Variants in GALNTL6 observed in about 807,000 individuals in gnomAD.
The protein encoded by GALNTL6 is polypeptide N-acetylgalactosaminyltransferase-like 6.
Under a neutral mutation model 73.7 loss-of-function variants are expected in GALNTL6, and 46 were observed. The observed-to-expected ratio is 0.62, with a 90% CI of 0.49 to 0.80. The LOEUF (loss-of-function observed/expected upper bound fraction) is 0.80, where lower values mean the gene tolerates loss of function less well. Among genes scored for constraint, GALNTL6 ranks in the 30% least tolerant of loss-of-function variants. The pLI, the probability that GALNTL6 is intolerant of heterozygous loss-of-function variation, is 0.00. For synonymous variants in GALNTL6, 259 were observed against 263.7 expected (o/e 0.98, Z 0.17); for missense variants, 604 against 755.0 (o/e 0.80, Z 2.34).
intron 9 of GALNTL6, among the ~76,000 whole-genome samples, chr4:172,936,433 G>A (rs1162484736): frequency 6.6e-6 from 1 of 152,146 alleles, no homozygotes; most frequent in Non-Finnish European, 1.5e-5. Context: ...AGGGCAATCA[G>A]GCAAGAGAAA....
chr4:172,958,240 G>A (rs115593899), intron 10 of GALNTL6, among the ~76,000 whole-genome samples: 2,608 of 152,312 alleles, frequency 0.017, 81 homozygotes, highest in African/African-American at 0.059. Context: ...AGCATCAGCC[G>A]CTGCACGCAG....
intron 4 of GALNTL6, among the ~76,000 whole-genome samples, chr4:172,321,578 A>T (rs2111164588): frequency 6.6e-6 from 1 of 152,338 alleles, no homozygotes; most frequent in East Asian, 1.9e-4. Context: ...GTATTAAGAT[A>T]ATGTTTCATT....
At chr4:172,862,482 AG>A (rs1331476887) in intron 7 of GALNTL6, among the ~76,000 whole-genome samples, 2 of 152,192 alleles carry the variant, frequency 1.3e-5, no homozygotes, top group Non-Finnish European at 2.9e-5. Flanking sequence ...GTGGATTACA[AG>A]GTCAGGAGTT....
intron 5 of GALNTL6, among the ~76,000 whole-genome samples, chr4:172,461,628 G>A: frequency 6.6e-6 from 1 of 152,152 alleles, no homozygotes; most frequent in East Asian, 1.9e-4. Flanking sequence ...ATGACTAAGA[G>A]GAGCTAGAAT....
chr4:172,769,546 A>G (rs1292590240), intron 5 of GALNTL6, among the ~76,000 whole-genome samples: 1 of 152,216 alleles, frequency 6.6e-6, no homozygotes, highest in Non-Finnish European at 1.5e-5. Flanking sequence ...TGACATTTTG[A>G]GTTTGCAGAG....
chr4:172,956,168 T>C (rs907076333), intron 10 of GALNTL6, among the ~76,000 whole-genome samples: 4 of 152,138 alleles, frequency 2.6e-5, no homozygotes, highest in African/African-American at 9.7e-5. Flanking sequence ...GCGCGATGTT[T>C]CTCAGGGCTG....
intron 3 of GALNTL6, among the ~76,000 whole-genome samples, chr4:172,295,947 G>C (rs528019200): frequency 6.6e-6 from 1 of 151,976 alleles, no homozygotes; most frequent in South Asian, 2.1e-4. Context: ...CATATATATA[G>C]CTTTTATTTT....
chr4:172,633,875 TC>T (rs1343819660), intron 5 of GALNTL6, among the ~76,000 whole-genome samples: 2 of 152,180 alleles, frequency 1.3e-5, no homozygotes, highest in Non-Finnish European at 2.9e-5. Context: ...AAATGGGAGT[TC>T]CCCTGCATAA....
chr4:172,883,469 T>C (rs1355298094), intron 8 of GALNTL6, among the ~76,000 whole-genome samples: 2 of 152,194 alleles, frequency 1.3e-5, no homozygotes, highest in African/African-American at 4.8e-5. Context: ...GGAGCCAGCA[T>C]GTCACATGGT....
intron 2 of GALNTL6, among the ~76,000 whole-genome samples, chr4:171,897,378 T>C (rs1736952959): frequency 6.6e-6 from 1 of 152,210 alleles, no homozygotes; most frequent in African/African-American, 2.4e-5. Flanking sequence ...AAATTGTCAA[T>C]GAGAAGACAG....
intron 5 of GALNTL6, among the ~76,000 whole-genome samples, chr4:172,757,406 A>C (rs976723464): frequency 1.3e-5 from 2 of 152,294 alleles, no homozygotes; most frequent in Admixed American, 1.3e-4. Context: ...GTTTAACCCA[A>C]CTGGGTTATA....
chr4:172,984,706 C>A (rs1751219749), intron 10 of GALNTL6, among the ~76,000 whole-genome samples: 1 of 152,170 alleles, frequency 6.6e-6, no homozygotes, highest in Non-Finnish European at 1.5e-5. Flanking sequence ...GAAGCCCAAA[C>A]CTCAGTATCA....
At chr4:172,711,869 C>T (rs1239881716) in intron 5 of GALNTL6, among the ~76,000 whole-genome samples, 1 of 152,040 alleles carries the variant, frequency 6.6e-6, no homozygotes, top group Non-Finnish European at 1.5e-5. Flanking sequence ...ACAACTAGGC[C>T]CTTGGCCAAT....
chr4:172,868,723 A>G (rs776880699), intron 7 of GALNTL6, among the ~76,000 whole-genome samples: 5 of 152,226 alleles, frequency 3.3e-5, no homozygotes, highest in Non-Finnish European at 7.3e-5. Context: ...GTGGGACCCA[A>G]TTCCTGTATG....
intron 7 of GALNTL6, among the ~76,000 whole-genome samples, chr4:172,855,533 A>G (rs1348396669): frequency 6.6e-6 from 1 of 152,210 alleles, no homozygotes; most frequent in Non-Finnish European, 1.5e-5. Flanking sequence ...CTGTGTTCTA[A>G]TCAGTCAGTC....
intron 5 of GALNTL6, among the ~76,000 whole-genome samples, chr4:172,591,735 A>ATCTC (rs1737644507): frequency 6.6e-6 from 1 of 152,164 alleles, no homozygotes; most frequent in African/African-American, 2.4e-5. Context: ...CATCTTCATC[A>ATCTC]TCTCTCATTT....
intron 5 of GALNTL6, among the ~76,000 whole-genome samples, chr4:172,563,963 A>G (rs898125068): frequency 1.3e-5 from 2 of 152,202 alleles, no homozygotes; most frequent in South Asian, 2.1e-4. Flanking sequence ...AACATTTACA[A>G]ATATGTTAGT....
chr4:172,409,018 T>C (rs1247730772), intron 5 of GALNTL6, among the ~76,000 whole-genome samples: 1 of 152,086 alleles, frequency 6.6e-6, no homozygotes, highest in East Asian at 1.9e-4. Flanking sequence ...ATTTAAAAGA[T>C]ATTGAATATT....
At chr4:171,955,925 C>T (rs554572245) in intron 2 of GALNTL6, among the ~76,000 whole-genome samples, 14 of 152,178 alleles carry the variant, frequency 9.2e-5, no homozygotes, top group African/African-American at 3.1e-4. Flanking sequence ...GTTTTATTAG[C>T]TGCAAAGTAT....
Sources: gnomAD v4.1 joint callset for allele counts (sites outside exome capture counted in the v4.1 genomes callset) on GRCh38, gnomAD v4.1.1 for gene constraint, MANE v1.5 for transcripts, NCBI Gene and HGNC (gene_info 2026-07-23, HGNC 2026-07-21) for gene names.